The following SOX5 variants were observed in gnomAD, a reference collection of about 807,000 sequenced individuals.
The protein encoded by SOX5 is SRY-box transcription factor 5.
In SOX5, 9 loss-of-function variants were observed where a neutral mutation model predicts 92.0. That is an observed-to-expected ratio of 0.10 (90% CI 0.06 to 0.17). The LOEUF (loss-of-function observed/expected upper bound fraction) is 0.17. Among genes scored for constraint, SOX5 ranks in the 10% least tolerant of loss-of-function variants. The pLI, the probability that SOX5 is intolerant of heterozygous loss-of-function variation, is 1.00. For missense variants in SOX5, 642 were observed against 944.5 expected (o/e 0.68, Z 4.20); for synonymous variants, 344 against 336.3 (o/e 1.02, Z -0.25).
intron 4 of SOX5, among the ~76,000 whole-genome samples, chr12:24,196,994 C>T (rs1230904270): frequency 6.6e-6 from 1 of 152,152 alleles, no homozygotes; most frequent in East Asian, 1.9e-4. Flanking sequence ...TAAAAACATA[C>T]TTCTTCCTGC....
At chr12:24,501,370 C>G (rs112828755) in intron 1 of SOX5, among the ~76,000 whole-genome samples, 1 of 148,048 alleles carries the variant, frequency 6.8e-6, no homozygotes, top group Non-Finnish European at 1.5e-5. Context: ...CTGGAAAGAT[C>G]CAGTGCAAAA....
chr12:24,106,319 T>A (rs1462339922), intron 4 of SOX5, among the ~76,000 whole-genome samples: 1 of 152,138 alleles, frequency 6.6e-6, no homozygotes, highest in Non-Finnish European at 1.5e-5. Context: ...CCTCAAGTCA[T>A]TGCTGAAAAA....
intron 4 of SOX5, among the ~76,000 whole-genome samples, chr12:24,040,492 C>T (rs1333281995): frequency 6.6e-6 from 1 of 152,192 alleles, no homozygotes; most frequent in East Asian, 1.9e-4. Flanking sequence ...CATGAATCTT[C>T]TCTGACAATT....
intron 10 of SOX5, among the ~76,000 whole-genome samples, chr12:23,569,168 G>C (rs561610210): frequency 6.6e-6 from 1 of 151,940 alleles, no homozygotes; most frequent in South Asian, 2.1e-4. Context: ...CTTCAGCTTG[G>C]GTGACAAAGC....
chr12:24,308,063 G>T (rs895877276), intron 2 of SOX5, among the ~76,000 whole-genome samples: 2 of 151,754 alleles, frequency 1.3e-5, no homozygotes, highest in Non-Finnish European at 2.9e-5. Flanking sequence ...GCAGCTTCCC[G>T]ATAAGATCTC....
intron 4 of SOX5, among the ~76,000 whole-genome samples, chr12:24,018,118 T>A (rs1380940196): frequency 6.6e-6 from 1 of 152,138 alleles, no homozygotes; most frequent in Non-Finnish European, 1.5e-5. Context: ...TCTTCCTTTA[T>A]CTGCCCCTAC....
At chr12:24,094,896 A>G (rs965285231) in intron 4 of SOX5, among the ~76,000 whole-genome samples, 6 of 152,142 alleles carry the variant, frequency 3.9e-5, no homozygotes, top group African/African-American at 1.4e-4. Context: ...AAGTCATGAT[A>G]TTTTAGAGCA....
chr12:24,480,399 G>A (rs867742958), intron 1 of SOX5, among the ~76,000 whole-genome samples: 2 of 152,046 alleles, frequency 1.3e-5, no homozygotes, highest in Non-Finnish European at 2.9e-5. Flanking sequence ...AAGCAAAAAA[G>A]AACAAATGAG....
At chr12:24,419,751 A>T (rs1965624468) in intron 1 of SOX5, among the ~76,000 whole-genome samples, 1 of 152,242 alleles carries the variant, frequency 6.6e-6, no homozygotes, top group Non-Finnish European at 1.5e-5. Context: ...GGTAATATCT[A>T]GAATGTATAT....
chr12:23,717,083 T>A (rs1457821311), intron 6 of SOX5, among the ~76,000 whole-genome samples: 2 of 152,206 alleles, frequency 1.3e-5, no homozygotes, highest in African/African-American at 4.8e-5. Context: ...CATTACAGAC[T>A]CAGTTTACTT....
chr12:23,871,512 C>G (rs1298186054), intron 2 of SOX5, among the ~76,000 whole-genome samples: 1 of 152,068 alleles, frequency 6.6e-6, no homozygotes, highest in Non-Finnish European at 1.5e-5. Context: ...AAAAAGGAAA[C>G]TGGTAGGAGC....
intron 1 of SOX5, among the ~76,000 whole-genome samples, chr12:23,897,198 A>G (rs899301264): frequency 2.0e-5 from 3 of 152,146 alleles, no homozygotes; most frequent in South Asian, 2.1e-4. Context: ...TTTACTAACT[A>G]CCACAACACT....
At chr12:23,547,719 C>A (rs1943406671) in intron 11 of SOX5, among the ~76,000 whole-genome samples, 1 of 152,010 alleles carries the variant, frequency 6.6e-6, no homozygotes, top group Non-Finnish European at 1.5e-5. Context: ...AATTGTCAAT[C>A]AGTATAAAAT....
chr12:24,374,514 CAT>C (rs1596038611), intron 1 of SOX5, among the ~76,000 whole-genome samples: 1 of 135,354 alleles, frequency 7.4e-6, no homozygotes, highest in African/African-American at 3.1e-5. Context: ...CACACACACA[CAT>C]ACACACACAC....
intron 4 of SOX5, among the ~76,000 whole-genome samples, chr12:24,207,370 G>A (rs1177445206): frequency 3.3e-5 from 5 of 151,882 alleles, no homozygotes; most frequent in Non-Finnish European, 7.4e-5. Context: ...TTCAACCAAT[G>A]AAAATACTAG....
chr12:23,966,950 A>G (rs1947654399), intron 4 of SOX5, among the ~76,000 whole-genome samples: 1 of 152,194 alleles, frequency 6.6e-6, no homozygotes, highest in Non-Finnish European at 1.5e-5. Flanking sequence ...ACCAGTGATT[A>G]TATTTTCCTC....
intron 1 of SOX5, among the ~76,000 whole-genome samples, chr12:24,490,484 G>A (rs950690345): frequency 3.9e-5 from 6 of 152,084 alleles, no homozygotes; most frequent in African/African-American, 1.4e-4. Context: ...AAAGATGACC[G>A]TTAGTACCAT....
intron 9 of SOX5, among the ~76,000 whole-genome samples, chr12:23,577,198 T>TTTA (rs1949302091): frequency 7.6e-6 from 1 of 132,112 alleles, no homozygotes; most frequent in Non-Finnish European, 1.6e-5. Context: ...TATATTTTTT[T>TTTA]TTTTTTTTTT....
intron 1 of SOX5, among the ~76,000 whole-genome samples, chr12:24,496,228 C>G (rs928403313): frequency 1.3e-5 from 2 of 152,110 alleles, no homozygotes; most frequent in African/African-American, 4.8e-5. Flanking sequence ...AGAAGAGTAA[C>G]GCCTAAACAT....
Sources: gnomAD v4.1 joint callset for allele counts (sites outside exome capture counted in the v4.1 genomes callset) on GRCh38, gnomAD v4.1.1 for gene constraint, MANE v1.5 for transcripts, NCBI Gene and HGNC (gene_info 2026-07-23, HGNC 2026-07-21) for gene names.